Variants in CCDC93 observed in about 807,000 individuals in gnomAD.
CCDC93 encodes coiled-coil domain-containing protein 93.
A neutral mutation model predicts 108.2 loss-of-function variants in CCDC93; 61 were observed. The ratio of observed to expected loss-of-function variants is 0.56; its 90% CI spans 0.46 to 0.70. The LOEUF is 0.70. Among genes scored for constraint, CCDC93 ranks in the 30% least tolerant of loss-of-function variants. The pLI, the probability that CCDC93 is intolerant of heterozygous loss-of-function variation, is 0.00. For synonymous variants in CCDC93, 276 were observed against 260.4 expected (o/e 1.06, Z -0.58); for missense variants, 685 against 764.2 (o/e 0.90, Z 1.22).
chr2:117,974,908 AGGAAT>A lies in CCDC93; in HGVS notation c.751-13_751-9del, dbSNP rs142233235. ...CAGCGACTGAATACGCTGCTGAAAG[AGGAAT>A]GGAAGGGAGCAGCAGTGAGTGGTTC... On this transcript the variant is annotated splice_polypyrimidine_tract_variant and intron_variant, in intron 9 of 23. Transcript: ENST00000376300. The A allele has an allele frequency of 5.3e-3, 8,199 of 1,559,502 alleles. 30 individuals are homozygous for A. The highest frequency in any genetic ancestry group is 6.7e-3 in the Middle Eastern group (40 of 6,000).
chr2:117,939,138 G>A (rs1413389509), intron 19 of CCDC93, 27 bp from the exon 20 acceptor site: 4 of 1,431,956 alleles, frequency 2.8e-6, no homozygotes, highest in South Asian at 2.3e-5. Flanking sequence ...ATCAGCACAC[G>A]AATAAGAACA....
At chr2:117,939,169 G>GC (rs1678619354) in intron 19 of CCDC93, 58 bp from the exon 20 acceptor site, 1 of 1,027,270 alleles carries the variant, frequency 9.7e-7, no homozygotes, top group Non-Finnish European at 1.5e-6. Flanking sequence ...CACCCTACCT[G>GC]CCCCTCTCCT....
intron 11 of CCDC93, among the ~76,000 whole-genome samples, chr2:117,971,649 C>T (rs570117428): frequency 8.6e-5 from 13 of 151,996 alleles, no homozygotes; most frequent in Non-Finnish European, 1.6e-4. Context: ...AATATATGGC[C>T]GAGGTCACAC....
In CCDC93 at chr2:117,931,116, C is replaced by T; in HGVS notation, c.1763G>A (p.Arg588Lys). 3 of 1,613,870 alleles carry T rather than the reference C, an allele frequency of 1.9e-6. No individual in the cohort carries two copies. The highest frequency in any genetic ancestry group is 2.5e-6 in the Non-Finnish European group (3 of 1,179,806). Residue 588 changes from arginine to lysine, a missense_variant, in exon 23 of 24, where the codon AGA becomes AAA. Transcript: ENST00000376300. ...CAAGTACTGGTCGTTCAACTGGTCT[C>T]TTCTCATTTTGTTCTCTTGCTTTTT... is the stretch of plus-strand genomic sequence containing the variant. ...EKKKQENKMR[R>K]DQLNDQYLEL...
chr2:118,005,860 T>C (rs1391825372), intron 3 of CCDC93, among the ~76,000 whole-genome samples: 3 of 152,132 alleles, frequency 2.0e-5, no homozygotes, highest in African/African-American at 4.8e-5. Flanking sequence ...GAAAATGCTG[T>C]ATAAATATAA....
chr2:117,944,918 A>G (rs1418590932), intron 17 of CCDC93: 1 of 426,436 alleles, frequency 2.3e-6, no homozygotes, highest in East Asian at 7.1e-5. Flanking sequence ...AGGGTTTTGG[A>G]ATGCGGAGAG....
At chr2:117,989,136 T>G (rs370557924) in intron 6 of CCDC93, among the ~76,000 whole-genome samples, 144 of 152,326 alleles carry the variant, frequency 9.5e-4, no homozygotes, top group African/African-American at 3.2e-3. Context: ...TTTTTGTCAT[T>G]TAGAGCCTGC....
At chr2:117,994,432 A>G (rs1223008643) in intron 6 of CCDC93, among the ~76,000 whole-genome samples, 1 of 152,108 alleles carries the variant, frequency 6.6e-6, no homozygotes, top group East Asian at 1.9e-4. Flanking sequence ...TGGAATTGAG[A>G]AAAAAAACAA....
At chr2:118,001,046 T>C (rs1680834404) in intron 3 of CCDC93, 114 bp from the exon 4 acceptor site, 1 of 642,856 alleles carries the variant, frequency 1.6e-6, no homozygotes, top group African/African-American at 1.8e-5. Context: ...GCCAGGCTAG[T>C]CCAGACCATG....
At chr2:118,008,798 C>G in intron 1 of CCDC93, 140 bp from the exon 2 acceptor site, 1 of 616,392 alleles carries the variant, frequency 1.6e-6, no homozygotes, top group Non-Finnish European at 2.9e-6. Context: ...TCTGAAAATT[C>G]AGCAAGTGTC....
intron 4 of CCDC93, among the ~76,000 whole-genome samples, chr2:118,000,560 G>A (rs1680813535): frequency 1.3e-5 from 2 of 152,138 alleles, no homozygotes; most frequent in Non-Finnish European, 2.9e-5. Context: ...ACAGAGTTCT[G>A]TTTTTACCAA....
intron 18 of CCDC93, 138 bp downstream of exon 18, chr2:117,943,886 T>A (rs750069034): frequency 2.5e-5 from 14 of 555,468 alleles, no homozygotes; most frequent in Non-Finnish European, 4.3e-5. Flanking sequence ...ACACTCCAGA[T>A]AGAAAGAAGA....
rs1678271293 is a variant in CCDC93, at chr2:117,929,968, C to T, written c.1842+1069G>A. ...TGTTCTTAGCTTGCCATCCGTCTCT[C>T]CCACCACAGCGTATGCTCCTTAAGG... On this transcript the variant is annotated intron_variant, in intron 23 of 23. Coordinates refer to ENST00000376300, the MANE Select transcript of CCDC93 (RefSeq NM_019044.5). Among the ~76,000 whole-genome samples, 3 of 152,342 alleles carry T rather than the reference C, an allele frequency of 2.0e-5. No homozygotes were observed. The South Asian group carries it at 6.2e-4, about 32-fold the overall frequency.
intron 21 of CCDC93, chr2:117,935,846 T>C: frequency 3.1e-6 from 1 of 318,184 alleles, no homozygotes; most frequent in Admixed American, 4.8e-5. Context: ...AACTAATATG[T>C]ATTTTCTTGC....
At chr2:117,957,624 A>C (rs1679260607) in intron 12 of CCDC93, among the ~76,000 whole-genome samples, 1 of 152,176 alleles carries the variant, frequency 6.6e-6, no homozygotes, top group Non-Finnish European at 1.5e-5. Context: ...TGTTGTCCTT[A>C]ACATGGCTTG....
chr2:117,982,952 T>A (rs993594653), intron 7 of CCDC93, among the ~76,000 whole-genome samples: 19 of 152,214 alleles, frequency 1.2e-4, no homozygotes, highest in African/African-American at 4.3e-4. Context: ...CCACGGGCTG[T>A]TGCCCCCAAA....
chr2:118,013,902 G>T, intron 1 of CCDC93, 52 bp downstream of exon 1: 2 of 1,479,890 alleles, frequency 1.4e-6, no homozygotes, highest in Non-Finnish European at 1.8e-6. Flanking sequence ...CCCGCGGCTC[G>T]GCCCTCTCTT....
At chr2:117,976,054 C>A (rs550107307) in intron 8 of CCDC93, among the ~76,000 whole-genome samples, 2 of 152,128 alleles carry the variant, frequency 1.3e-5, no homozygotes, top group South Asian at 2.1e-4. Context: ...TTAAGGACTT[C>A]CAGGGTCAAA....
intron 3 of CCDC93, among the ~76,000 whole-genome samples, chr2:118,003,276 T>C (rs758195868): frequency 1.3e-5 from 2 of 152,152 alleles, no homozygotes; most frequent in African/African-American, 2.4e-5. Flanking sequence ...ATATCTAAGG[T>C]TCTCTGTTAA....
Sources: allele counts gnomAD v4.1 joint callset (sites outside exome capture counted in the v4.1 genomes callset), GRCh38; gene constraint gnomAD v4.1.1; transcripts MANE v1.5; gene names NCBI Gene and HGNC (gene_info 2026-07-23, HGNC 2026-07-21).